The following SPAG9 variants were observed in gnomAD, a reference collection of about 807,000 sequenced individuals.
SPAG9 encodes the protein sperm associated antigen 9.
SPAG9 carries 35 observed loss-of-function variants against 166.5 expected under a neutral mutation model. The observed-to-expected ratio is 0.21, with a 90% confidence interval of 0.16 to 0.28. The LOEUF is 0.28. Among genes scored for constraint, SPAG9 ranks in the 10% least tolerant of loss-of-function variants. SPAG9 has a pLI of 1.00. For missense variants in SPAG9, 1,235 were observed against 1,603.3 expected (o/e 0.77, Z 3.92); for synonymous variants, 534 against 565.5 (o/e 0.94, Z 0.79).
chr17:51,050,699 A>T (rs1416251867), intron 3 of SPAG9, among the ~76,000 whole-genome samples: 1 of 152,072 alleles, frequency 6.6e-6, no homozygotes, highest in Non-Finnish European at 1.5e-5. Context: ...AATATTAATA[A>T]GGCCTCACAG....
chr17:51,015,556 CAA>C (rs2045662647), intron 8 of SPAG9, among the ~76,000 whole-genome samples: 1 of 151,804 alleles, frequency 6.6e-6, no homozygotes, highest in Admixed American at 6.6e-5. Flanking sequence ...GGGCCCAAAA[CAA>C]AGAGGATGTG....
intron 2 of SPAG9, among the ~76,000 whole-genome samples, chr17:51,073,056 T>C (rs1025862911): frequency 6.6e-6 from 1 of 152,038 alleles, no homozygotes; most frequent in Non-Finnish European, 1.5e-5. Flanking sequence ...CCGGGCGCGG[T>C]GGCTCATGCC....
At chr17:50,992,760 C>T (rs368320384) in intron 19 of SPAG9, among the ~76,000 whole-genome samples, 2 of 151,972 alleles carry the variant, frequency 1.3e-5, no homozygotes, top group African/African-American at 4.8e-5. Context: ...CCCAGTACTT[C>T]GGGAGGACGA....
chr17:51,020,563 G>A (rs2045901156), intron 7 of SPAG9, among the ~76,000 whole-genome samples: 2 of 152,164 alleles, frequency 1.3e-5, no homozygotes, highest in African/African-American at 2.4e-5. Context: ...TAAAGACAAA[G>A]ACTAAACTAA....
In SPAG9 at chr17:51,007,336, G is replaced by A. The variant is rs764396970; in HGVS notation, c.1214-10C>T. 2.2e-4 allele frequency: 334 copies of A among 1,511,824 alleles called. No homozygotes were observed. Among genetic ancestry groups the A allele is most frequent in the Middle Eastern group, 5.2e-4 (3 of 5,794 alleles). 93.7% of individuals were successfully genotyped at this position (1,511,824 alleles called of 1,614,324 possible). Reference sequence around the variant, plus strand: ...ACTTCCCGACCCATTCCTATCAAACGAAAAAAGATAAAGACTTTGAAAATA... The same window carrying A: ...ACTTCCCGACCCATTCCTATCAAACAAAAAAAGATAAAGACTTTGAAAATA... On this transcript the variant is annotated splice_polypyrimidine_tract_variant and intron_variant, in intron 9 of 29. Transcript: ENST00000262013.
chr17:51,005,409 G>C, intron 11 of SPAG9, 146 bp from the exon 12 acceptor site: 1 of 672,140 alleles, frequency 1.5e-6, no homozygotes, highest in Non-Finnish European at 2.6e-6. Flanking sequence ...TCATTTGGTG[G>C]AGTATCATCA....
At chr17:51,083,984 C>G (rs2048240306) in intron 1 of SPAG9, 1 of 152,030 alleles carries the variant, frequency 6.6e-6, no homozygotes, top group South Asian at 2.1e-4. Context: ...CTGGGGAAAT[C>G]AAGTCACTGT....
rs945337377 is a variant in SPAG9, at chr17:51,043,419, T to C, written c.591-1768A>G. 9.2e-5 allele frequency among the ~76,000 whole-genome samples: 14 copies of C among 152,332 alleles called. 1 individual carries two copies. The highest frequency in any genetic ancestry group is 3.4e-4 in the African/African-American group (14 of 41,580). On this transcript the variant is annotated intron_variant, in intron 4 of 29. Transcript: ENST00000262013. ...TATTGTACACATACACATTCCCATA[T>C]ACTATAGAACCCTGTTCTTTCTTGA...
rs1256672758 is a variant in SPAG9 at position 50,965,684 on chromosome 17, C to A, written c.*588G>T. The stretch of plus-strand genomic sequence containing the variant: ...AGTCTTAATTTCTTTAATATAAAAC[C>A]CCCCCAAATCTGATGAAAACAAAGT... On this transcript the variant is annotated 3_prime_UTR_variant, in exon 30 of 30. Transcript: ENST00000262013. 4 of 152,054 alleles carry A rather than the reference C, an allele frequency of 2.6e-5. No homozygotes were observed. The highest frequency in any genetic ancestry group is 5.9e-5 in the Non-Finnish European group (4 of 68,046). 9.4% of individuals were successfully genotyped at this position (152,054 alleles called of 1,614,324 possible).
chr17:51,107,228 T>C (rs1489887643), intron 1 of SPAG9, among the ~76,000 whole-genome samples: 1 of 151,650 alleles, frequency 6.6e-6, no homozygotes. Context: ...TAGAGAATCA[T>C]AAAGTTCCTG....
At chr17:51,081,890 T>G (rs552356755) in intron 1 of SPAG9, among the ~76,000 whole-genome samples, 37 of 152,114 alleles carry the variant, frequency 2.4e-4, no homozygotes, top group Non-Finnish European at 4.4e-4. Flanking sequence ...CTTCCTACCC[T>G]CTTCTCCTTC....
At position 51,077,101 on chromosome 17, in the gene SPAG9, G is replaced by GCTATCTAGCTATCTAGCTAGCTATCTAT. The variant is rs1491297561; in HGVS notation, c.424+2482_424+2483insATAGATAGCTAGCTAGATAGCTAGATAG. Among the ~76,000 whole-genome samples, 194 of 102,118 alleles carry GCTATCTAGCTATCTAGCTAGCTATCTAT rather than the reference G, an allele frequency of 1.9e-3. 5 individuals carry two copies. Among genetic ancestry groups the GCTATCTAGCTATCTAGCTAGCTATCTAT allele is most frequent in the African/African-American group, 0.011 (190 of 17,686 alleles). 67.0% of individuals were successfully genotyped at this position (102,118 alleles called of 152,430 possible). On this transcript the variant is annotated intron_variant, in intron 2 of 29. Transcript: ENST00000262013. ...AGCTATCTAGCTAGCTATCTATCTAGCTAGCTATCTAGCTATCTAGCTAGC... is the reference window on the plus strand; with the variant it reads ...AGCTATCTAGCTAGCTATCTATCTAGCTATCTAGCTATCTAGCTAGCTATCTATCTAGCTATCTAGCTATCTAGCTAGC...
At chr17:51,053,878 T>TATATATATATATAA (rs2047273499) in intron 3 of SPAG9, among the ~76,000 whole-genome samples, 2 of 102,666 alleles carry the variant, frequency 1.9e-5, no homozygotes, top group Non-Finnish European at 1.8e-5. Flanking sequence ...TATATATATA[T>TATATATATATATAA]ATATATATAT....
intron 9 of SPAG9, chr17:51,007,942 A>G (rs1401719073): frequency 7.7e-6 from 3 of 387,560 alleles, no homozygotes; most frequent in Admixed American, 3.2e-5. Context: ...ATTAATCTAT[A>G]AAGTTTTATA....
At chr17:51,014,750 G>A (rs2144107590) in intron 8 of SPAG9, 1 of 158,498 alleles carries the variant, frequency 6.3e-6, no homozygotes, top group Non-Finnish European at 1.4e-5. Context: ...CTGTTAACAG[G>A]GGACAGATGA....
chr17:50,968,472 T>G (rs1346216872), intron 29 of SPAG9, among the ~76,000 whole-genome samples: 5 of 152,176 alleles, frequency 3.3e-5, no homozygotes, highest in Non-Finnish European at 5.9e-5. Context: ...GCCTCATGCC[T>G]GTAATCCCAG....
At chr17:51,113,353 C>CAA (rs34917845) in intron 1 of SPAG9, among the ~76,000 whole-genome samples, 63 of 95,870 alleles carry the variant, frequency 6.6e-4, no homozygotes, top group East Asian at 2.6e-3. Context: ...AATGCCATAT[C>CAA]AAAAAAAAAA....
chr17:51,076,735 T>TAA (rs137873530), intron 2 of SPAG9, among the ~76,000 whole-genome samples: 1 of 145,352 alleles, frequency 6.9e-6, no homozygotes, highest in Non-Finnish European at 1.5e-5. Context: ...GACTCCGTCT[T>TAA]AAAAAAAAAA....
chr17:51,061,664 G>T (rs1427217457), intron 2 of SPAG9, among the ~76,000 whole-genome samples: 2 of 114,310 alleles, frequency 1.7e-5, no homozygotes, highest in African/African-American at 6.8e-5. Context: ...ACATATAACA[G>T]AATATACCAT....
Sources: allele counts gnomAD v4.1 joint callset (sites outside exome capture counted in the v4.1 genomes callset), GRCh38; gene constraint gnomAD v4.1.1; transcripts MANE v1.5; gene names NCBI Gene and HGNC (gene_info 2026-07-23, HGNC 2026-07-21).